The following MAIP1 variants were observed in gnomAD, a reference collection of about 807,000 sequenced individuals.
The protein encoded by MAIP1 is matrix AAA peptidase interacting protein 1.
MAIP1 carries 28 observed loss-of-function variants against 31.2 expected under a neutral mutation model. That is an observed-to-expected ratio of 0.90 (90% confidence interval 0.67 to 1.23). MAIP1 has a LOEUF of 1.23. Among genes scored for constraint, MAIP1 ranks in the 50% most tolerant of loss-of-function variants. The pLI is 0.00. For synonymous variants in MAIP1, 142 were observed against 142.3 expected (o/e 1.00, Z 0.02); for missense variants, 339 against 356.0 (o/e 0.95, Z 0.38).
chr2:199,961,595 C>T (rs879018323), intron 3 of MAIP1, among the ~76,000 whole-genome samples, 186 bp from the exon 4 acceptor site: 1 of 152,126 alleles, frequency 6.6e-6, no homozygotes, highest in African/African-American at 2.4e-5. Flanking sequence ...ATGCCATAAA[C>T]CCTAAGACAA....
intron 4 of MAIP1, 83 bp downstream of exon 4, chr2:199,962,011 G>A: frequency 8.1e-7 from 1 of 1,235,660 alleles, no homozygotes; most frequent in Non-Finnish European, 1.1e-6. Context: ...AGATCTTTAG[G>A]AAGAAAAGAA....
At chr2:199,955,432 G>C (rs753444796), upstream of MAIP1, 3 of 1,613,800 alleles carry the variant, frequency 1.9e-6, no homozygotes, top group East Asian at 6.7e-5. Context: ...CCCGAGAAAC[G>C]CCCTCCAGCC....
At chr2:199,956,271 C>T in intron 1 of MAIP1, 23 bp downstream of exon 1, 2 of 1,566,442 alleles carry the variant, frequency 1.3e-6, no homozygotes, top group Non-Finnish European at 1.7e-6. Context: ...CCCTGATTGA[C>T]CTATCCGTCT....
intron 4 of MAIP1, among the ~76,000 whole-genome samples, chr2:199,963,070 A>G (rs1438174643): frequency 6.6e-6 from 1 of 152,028 alleles, no homozygotes; most frequent in Non-Finnish European, 1.5e-5. Context: ...GTTTTTTTAA[A>G]TTTTGCTTTA....
rs866456621 is a variant in MAIP1, at chr2:199,959,235, A to G, written c.451-33A>G. ...ACATGGTATGGTATTTTGAAATAATAATCCCCACACTTCCCTTAATATTTT... is the reference window on the plus strand; with the variant it reads ...ACATGGTATGGTATTTTGAAATAATGATCCCCACACTTCCCTTAATATTTT... On this transcript the variant is annotated intron_variant, in intron 1 of 4. Coordinates refer to ENST00000392290, the MANE Select transcript of MAIP1 (RefSeq NM_001394955.1). 9 of 1,120,282 alleles carry G rather than the reference A, an allele frequency of 8.0e-6. No homozygotes were observed. In the Middle Eastern group the frequency reaches 5.9e-4, roughly 73 times the overall value. 69.4% of individuals were successfully genotyped at this position (1,120,282 alleles called of 1,614,324 possible). A position where few individuals can be genotyped will look rare whatever the true frequency, so the allele number is the denominator to read the frequency against.
chr2:199,958,613 G>C (rs1449274918), intron 1 of MAIP1, among the ~76,000 whole-genome samples: 1 of 152,128 alleles, frequency 6.6e-6, no homozygotes, highest in Non-Finnish European at 1.5e-5. Flanking sequence ...TCTTCAACTT[G>C]TCAGTTTACT....
chr2:199,963,530 T>C (rs1047324535), intron 4 of MAIP1, among the ~76,000 whole-genome samples: 2 of 152,200 alleles, frequency 1.3e-5, no homozygotes, highest in Non-Finnish European at 2.9e-5. Context: ...CTTACATTAC[T>C]TGAGAATGTA....
chr2:199,960,954 T>C (rs561771651), intron 3 of MAIP1, among the ~76,000 whole-genome samples: 40 of 152,350 alleles, frequency 2.6e-4, no homozygotes, highest in Non-Finnish European at 4.6e-4. Context: ...TTCCCTAATA[T>C]TTCAAATTGC....
Position 199,955,704 on chromosome 2 carries a change from C to T in MAIP1, c.-95C>T. The T allele has an allele frequency of 7.8e-7, 1 of 1,281,182 alleles. No homozygotes were observed. The highest frequency in any genetic ancestry group is 1.1e-6 in the Non-Finnish European group (1 of 938,056). The allele number at this position is 1,281,182 out of a possible 1,614,324, so 79.4% of individuals were successfully genotyped here. The stretch of plus-strand genomic sequence containing the variant: ...AGGCTGCAGCAACAGGTCCACTTTG[C>T]TCTCCAGTCTCTTTCTCCGACACCG... On this transcript the variant is annotated 5_prime_UTR_variant, in exon 1 of 5. Coordinates refer to ENST00000392290, the MANE Select transcript of MAIP1 (RefSeq NM_001394955.1).
intron 3 of MAIP1, 31 bp downstream of exon 3, chr2:199,959,911 A>G: frequency 6.2e-7 from 1 of 1,600,858 alleles, no homozygotes; most frequent in Non-Finnish European, 8.5e-7. Flanking sequence ...ACTTGAAATG[A>G]TCCATAATTG....
chr2:199,963,172 C>T (rs2077645228), intron 4 of MAIP1, among the ~76,000 whole-genome samples: 1 of 151,962 alleles, frequency 6.6e-6, no homozygotes, highest in African/African-American at 2.4e-5. Context: ...AGAGCACTGT[C>T]GTCAATACTA....
chr2:199,955,695 T>C lies in MAIP1; in HGVS notation c.-104T>C. The C allele has an allele frequency of 8.2e-7, 1 of 1,216,484 alleles. No individual in the cohort carries two copies. Among genetic ancestry groups the C allele is most frequent in the African/African-American group, 1.5e-5 (1 of 66,024 alleles). The allele number at this position is 1,216,484 out of a possible 1,614,324, so 75.4% of individuals were successfully genotyped here. ...ACTCACCAGAGGCTGCAGCAACAGG[T>C]CCACTTTGCTCTCCAGTCTCTTTCT... On this transcript the variant is annotated 5_prime_UTR_variant, in exon 1 of 5. Coordinates refer to ENST00000392290, the MANE Select transcript of MAIP1 (RefSeq NM_001394955.1).
At chr2:199,960,588 T>C (rs1337088254) in intron 3 of MAIP1, among the ~76,000 whole-genome samples, 1 of 152,232 alleles carries the variant, frequency 6.6e-6, no homozygotes, top group African/African-American at 2.4e-5. Flanking sequence ...AATAATACAG[T>C]ATAACAACTA....
At chr2:199,957,067 A>G (rs1382884220) in intron 1 of MAIP1, among the ~76,000 whole-genome samples, 1 of 88,514 alleles carries the variant, frequency 1.1e-5, no homozygotes, top group Non-Finnish European at 2.1e-5. Context: ...GGACTCCTTT[A>G]CAGATTGTAT....
intron 4 of MAIP1, among the ~76,000 whole-genome samples, chr2:199,963,028 C>CA (rs2077644575): frequency 1.3e-5 from 2 of 151,816 alleles, no homozygotes; most frequent in Admixed American, 6.6e-5. Flanking sequence ...ATTATATCCT[C>CA]ATTTTTTTTT....
intron 1 of MAIP1, among the ~76,000 whole-genome samples, chr2:199,957,600 C>G (rs886889052): frequency 6.6e-6 from 1 of 152,132 alleles, no homozygotes; most frequent in Admixed American, 6.6e-5. Flanking sequence ...AGTTGTAAAT[C>G]AAATGTTTTC....
At position 199,959,721 on chromosome 2, in the gene MAIP1, A is replaced by C; in HGVS notation, c.523-33A>C. 3 of 1,572,090 alleles carry C rather than the reference A, an allele frequency of 1.9e-6. No homozygotes were observed. In the South Asian group the frequency reaches 3.5e-5, roughly 18 times the overall value. ...TTTGAAAGTTTTCAAAAATTGTATC[A>C]GTGAACTAATGGCTTGCTTTTTTCA... On this transcript the variant is annotated intron_variant, in intron 2 of 4. Coordinates refer to ENST00000392290, the MANE Select transcript of MAIP1 (RefSeq NM_001394955.1).
chr2:199,962,578 ACT>A (rs1000698183), intron 4 of MAIP1, among the ~76,000 whole-genome samples: 5 of 151,786 alleles, frequency 3.3e-5, no homozygotes, highest in African/African-American at 1.2e-4. Flanking sequence ...GTGTAGAAAG[ACT>A]CCCCCATTTT....
rs765591767 is a variant in MAIP1 at position 199,959,762 on chromosome 2, T to C, written c.531T>C (p.His177=). 1 of 1,611,954 alleles carries C rather than the reference T, an allele frequency of 6.2e-7. No homozygotes were observed. The highest frequency in any genetic ancestry group is 8.5e-7 in the Non-Finnish European group (1 of 1,179,284). ...GCTTTTTTCAAACTTAGGTGCTACA[T>C]GCATTGAAAGAAAAGGTTACTTCAC... ...LEELVAKEVL[H]ALKEKVTSLP... Residue 177 remains histidine, a synonymous_variant, in exon 3 of 5, where the codon CAT becomes CAC. Transcript: ENST00000392290.
Sources: allele counts gnomAD v4.1 joint callset (sites outside exome capture counted in the v4.1 genomes callset), GRCh38; gene constraint gnomAD v4.1.1; transcripts MANE v1.5; gene names NCBI Gene and HGNC (gene_info 2026-07-23, HGNC 2026-07-21).